The following DGKB variants were observed in gnomAD, a reference collection of about 807,000 sequenced individuals.
The protein encoded by DGKB is 90 kDa diacylglycerol kinase.
DGKB carries 67 observed loss-of-function variants against 114.3 expected under a neutral mutation model. The ratio of observed to expected loss-of-function variants is 0.59; its 90% CI spans 0.48 to 0.72. The LOEUF is 0.72. DGKB is among the 30% of genes least tolerant of loss of function. The probability of loss-of-function intolerance (pLI) is 0.00; values close to 1 mark genes in which losing one functional copy is unlikely to be tolerated. For synonymous variants in DGKB, 398 were observed against 323.1 expected (o/e 1.23, Z -2.49); for missense variants, 907 against 975.2 (o/e 0.93, Z 0.93).
chr7:14,616,347 T>TA (rs1247191648), intron 15 of DGKB, among the ~76,000 whole-genome samples: 3 of 151,162 alleles, frequency 2.0e-5, no homozygotes, highest in African/African-American at 7.3e-5. Context: ...GGATATGAGG[T>TA]ACCAATGTAG....
At chr7:14,591,090 G>C (rs1333393103) in intron 17 of DGKB, among the ~76,000 whole-genome samples, 6 of 152,078 alleles carry the variant, frequency 3.9e-5, no homozygotes, top group African/African-American at 7.2e-5. Context: ...GTCTCAGCAA[G>C]AGCCAAAATG....
At chr7:14,306,236 A>G (rs1804446914) in intron 23 of DGKB, among the ~76,000 whole-genome samples, 1 of 152,134 alleles carries the variant, frequency 6.6e-6, no homozygotes, top group African/African-American at 2.4e-5. Flanking sequence ...TTTTCAATAA[A>G]GCAACATTTT....
At chr7:14,228,722 A>T (rs746608422) in intron 23 of DGKB, among the ~76,000 whole-genome samples, 6 of 152,016 alleles carry the variant, frequency 3.9e-5, no homozygotes, top group Non-Finnish European at 7.4e-5. Flanking sequence ...GAGAGAAATT[A>T]ACACTAAGAT....
chr7:14,460,005 G>A (rs552075130), intron 21 of DGKB, among the ~76,000 whole-genome samples: 56 of 152,176 alleles, frequency 3.7e-4, no homozygotes, highest in East Asian at 1.4e-3. Flanking sequence ...ACTAAGCTTC[G>A]TAAGGGAAGG....
intron 23 of DGKB, among the ~76,000 whole-genome samples, chr7:14,332,934 A>T (rs1313640831): frequency 6.6e-6 from 1 of 152,182 alleles, no homozygotes; most frequent in Non-Finnish European, 1.5e-5. Context: ...CCTATTAATG[A>T]GGTTTCAAGC....
intron 13 of DGKB, among the ~76,000 whole-genome samples, chr7:14,644,402 A>G (rs1812492672): frequency 6.6e-6 from 1 of 152,220 alleles, no homozygotes; most frequent in Admixed American, 6.5e-5. Flanking sequence ...AACTACTTGA[A>G]AGGGAATTCA....
intron 23 of DGKB, among the ~76,000 whole-genome samples, chr7:14,316,689 G>A (rs1303699194): frequency 4.1e-5 from 6 of 146,762 alleles, no homozygotes; most frequent in African/African-American, 1.0e-4. Context: ...ATTCACAGCC[G>A]AATTCTACCA....
chr7:14,178,918 G>C lies in DGKB; in HGVS notation c.2123-767C>G, dbSNP rs566440092. 1.5e-3 allele frequency among the ~76,000 whole-genome samples: 234 copies of C among 152,128 alleles called. 1 individual carries two copies. Among genetic ancestry groups the C allele is most frequent in the Non-Finnish European group, 2.3e-3 (158 of 68,010 alleles). On this transcript the variant is annotated intron_variant, in intron 23 of 25. Transcript: ENST00000402815. ...ACTTTATATTATCTCATTTGCTCCT[G>C]CTCCAGACCAATTTAAGATAAATGT... is the stretch of plus-strand genomic sequence containing the variant.
intron 13 of DGKB, among the ~76,000 whole-genome samples, chr7:14,661,683 G>GACCC (rs2128924853): frequency 6.6e-6 from 1 of 151,882 alleles, no homozygotes; most frequent in Admixed American, 6.6e-5. Flanking sequence ...AATACCATTT[G>GACCC]ACCCAGCCAT....
In DGKB at chr7:14,269,629, C is replaced by T. The variant is rs180674852; in HGVS notation, c.2122+68886G>A. On this transcript the variant is annotated intron_variant, in intron 23 of 25. Transcript: ENST00000402815. Reference sequence around the variant, plus strand: ...AATGCAACCTTATATTCTGGCAGAGCGGGACCATTATAGGTCAAGACGATA... The same window carrying T: ...AATGCAACCTTATATTCTGGCAGAGTGGGACCATTATAGGTCAAGACGATA... Among the ~76,000 whole-genome samples, 804 of 152,132 alleles carry T rather than the reference C, an allele frequency of 5.3e-3. 9 individuals are homozygous for T. The highest frequency in any genetic ancestry group is 5.5e-3 in the Non-Finnish European group (373 of 68,014).
At chr7:14,490,735 T>C (rs996015083) in intron 20 of DGKB, among the ~76,000 whole-genome samples, 2 of 152,166 alleles carry the variant, frequency 1.3e-5, no homozygotes, top group Non-Finnish European at 2.9e-5. Context: ...ACGATCCTAA[T>C]TGAAACAAAG....
chr7:14,542,747 C>G (rs1563457007), intron 20 of DGKB, among the ~76,000 whole-genome samples: 2 of 152,188 alleles, frequency 1.3e-5, no homozygotes, highest in Admixed American at 1.3e-4. Flanking sequence ...AACCATGTGT[C>G]TCCTGTCCCG....
chr7:14,544,161 C>G (rs1256451225), intron 20 of DGKB, among the ~76,000 whole-genome samples: 2 of 152,104 alleles, frequency 1.3e-5, no homozygotes, highest in African/African-American at 4.8e-5. Context: ...AAAACCTCAG[C>G]AGAACATCAC....
intron 23 of DGKB, among the ~76,000 whole-genome samples, chr7:14,188,771 C>G (rs1308975474): frequency 6.7e-6 from 1 of 148,530 alleles, no homozygotes; most frequent in Non-Finnish European, 1.5e-5. Context: ...TGAAATAATT[C>G]TAAAATCTAC....
intron 25 of DGKB, among the ~76,000 whole-genome samples, chr7:14,175,105 T>G (rs191777121): frequency 6.6e-6 from 1 of 152,246 alleles, no homozygotes; most frequent in African/African-American, 2.4e-5. Flanking sequence ...TAAGGTTGTT[T>G]ACAGTAGTGG....
chr7:14,315,441 T>A (rs1314529201), intron 23 of DGKB, among the ~76,000 whole-genome samples: 3 of 150,016 alleles, frequency 2.0e-5, no homozygotes, highest in Non-Finnish European at 4.4e-5. Context: ...GAGGAAGATC[T>A]ACCAAGCAAA....
intron 21 of DGKB, among the ~76,000 whole-genome samples, chr7:14,470,491 C>T (rs1281845160): frequency 6.6e-6 from 1 of 151,790 alleles, no homozygotes; most frequent in African/African-American, 2.4e-5. Flanking sequence ...TCTTTACTTT[C>T]ACTGTTTTTA....
At chr7:14,722,574 G>C (rs541319819) in intron 5 of DGKB, among the ~76,000 whole-genome samples, 3 of 152,250 alleles carry the variant, frequency 2.0e-5, no homozygotes, top group African/African-American at 7.2e-5. Context: ...AGCACTTTGG[G>C]AAGCCGAGGT....
At chr7:14,241,452 C>T (rs1043967834) in intron 23 of DGKB, among the ~76,000 whole-genome samples, 3 of 142,376 alleles carry the variant, frequency 2.1e-5, no homozygotes, top group Non-Finnish European at 4.8e-5. Flanking sequence ...CCAAGTTATA[C>T]AGCTTAATAT....
Sources: allele counts gnomAD v4.1 joint callset (sites outside exome capture counted in the v4.1 genomes callset), GRCh38; gene constraint gnomAD v4.1.1; transcripts MANE v1.5; gene names NCBI Gene and HGNC (gene_info 2026-07-23, HGNC 2026-07-21).